The following COL11A1 variants were observed in gnomAD, a reference collection of about 807,000 sequenced individuals.
COL11A1 encodes the protein collagen alpha-1(XI) chain.
Under a neutral mutation model 265.2 loss-of-function variants are expected in COL11A1, and 74 were observed. The ratio of observed to expected loss-of-function variants is 0.28; its 90% CI spans 0.23 to 0.34. COL11A1 has a LOEUF of 0.34. Ranked by LOEUF, COL11A1 falls within the 10% of genes least tolerant of loss-of-function variation. COL11A1 has a pLI of 1.00. For missense variants in COL11A1, 2,165 were observed against 2,263.6 expected, an observed-to-expected ratio of 0.96 and a Z score of 0.88; for synonymous variants, 816 against 727.6, an observed-to-expected ratio of 1.12 and a Z score of -1.96.
intron 11 of COL11A1, among the ~76,000 whole-genome samples, chr1:103,016,545 G>A (rs1666583450): frequency 6.6e-6 from 1 of 151,854 alleles, no homozygotes; most frequent in Admixed American, 6.6e-5. Flanking sequence ...ACATAGCCAT[G>A]TCATACTTGT....
chr1:102,920,401 C>A, intron 48 of COL11A1, 37 bp from the exon 49 acceptor site: 2 of 1,573,188 alleles, frequency 1.3e-6, no homozygotes, highest in South Asian at 1.1e-5. Flanking sequence ...TATCCATATT[C>A]TTATTAAAAT....
intron 54 of COL11A1, among the ~76,000 whole-genome samples, chr1:102,899,924 G>A (rs2100932274): frequency 6.6e-6 from 1 of 152,202 alleles, no homozygotes; most frequent in South Asian, 2.1e-4. Flanking sequence ...ATCAATAGTG[G>A]TGGATGATGA....
chr1:102,915,867 AG>A (rs1655272611), intron 49 of COL11A1, among the ~76,000 whole-genome samples, 183 bp from the exon 50 acceptor site: 1 of 152,164 alleles, frequency 6.6e-6, no homozygotes, highest in Non-Finnish European at 1.5e-5. Flanking sequence ...TTTATTTCTC[AG>A]GTGAGTAGAC....
At chr1:102,930,580 T>G (rs1657284454) in intron 46 of COL11A1, among the ~76,000 whole-genome samples, 1 of 152,218 alleles carries the variant, frequency 6.6e-6, no homozygotes, top group Non-Finnish European at 1.5e-5. Context: ...CTGCCCGGCT[T>G]TAGTATCAGA....
chr1:103,045,141 A>G (rs1669143084), intron 4 of COL11A1, among the ~76,000 whole-genome samples: 1 of 152,138 alleles, frequency 6.6e-6, no homozygotes, highest in Admixed American at 6.6e-5. Context: ...AACAATCCAC[A>G]GGTAGCAACA....
chr1:102,945,190 T>A (rs3126210), intron 42 of COL11A1, among the ~76,000 whole-genome samples: 1 of 151,516 alleles, frequency 6.6e-6, no homozygotes, highest in Non-Finnish European at 1.5e-5. Context: ...TGAAATTAAT[T>A]AATGCCGTTA....
intron 54 of COL11A1, among the ~76,000 whole-genome samples, chr1:102,909,968 CTG>C (rs1443599742): frequency 6.6e-6 from 1 of 151,786 alleles, no homozygotes; most frequent in East Asian, 1.9e-4. Flanking sequence ...GTAAATATGA[CTG>C]AAAATATTTT....
chr1:102,935,042 A>G lies in COL11A1; in HGVS notation c.3492+18T>C, dbSNP rs780822049. On this transcript the variant is annotated intron_variant, in intron 45 of 66. Coordinates refer to ENST00000370096, the MANE Select transcript of COL11A1 (RefSeq NM_001854.4). ...AGCTGTAAGGATTTAGATTTGCTGA[A>G]CAATGTGGAATACTCACAGCAATTC... The G allele has an allele frequency of 2.5e-6, 4 of 1,613,284 alleles. No homozygotes were observed. The highest frequency in any genetic ancestry group is 3.3e-5 in the Admixed American group (2 of 60,018).
At chr1:103,013,643 GA>G (rs1386113223) in intron 13 of COL11A1, among the ~76,000 whole-genome samples, 1 of 151,766 alleles carries the variant, frequency 6.6e-6, no homozygotes, top group African/African-American at 2.4e-5. Flanking sequence ...TATTGAGGAT[GA>G]ATTACAATTT....
intron 30 of COL11A1, among the ~76,000 whole-genome samples, chr1:102,984,913 T>C (rs1347407329): frequency 6.6e-6 from 1 of 151,978 alleles, no homozygotes; most frequent in African/African-American, 2.4e-5. Flanking sequence ...TAAAACAAAA[T>C]TTAAGTTATA....
intron 1 of COL11A1, among the ~76,000 whole-genome samples, chr1:103,084,907 C>T (rs566139068): frequency 6.6e-6 from 1 of 152,154 alleles, no homozygotes. Context: ...CACCAAACTT[C>T]TAAATAAAGA....
chr1:102,878,397 T>C (rs1022773965), intron 66 of COL11A1, among the ~76,000 whole-genome samples: 2 of 144,852 alleles, frequency 1.4e-5, no homozygotes, highest in African/African-American at 2.5e-5. Flanking sequence ...TAGTGCTATA[T>C]ATTTTGTAAT....
chr1:103,105,532 C>T (rs1330741867), intron 1 of COL11A1, among the ~76,000 whole-genome samples: 1 of 151,972 alleles, frequency 6.6e-6, no homozygotes, highest in Non-Finnish European at 1.5e-5. Flanking sequence ...GTTTTGAACT[C>T]AGATGTTTTA....
chr1:102,895,928 C>T (rs1426398104), intron 57 of COL11A1, among the ~76,000 whole-genome samples: 1 of 151,452 alleles, frequency 6.6e-6, no homozygotes, highest in Non-Finnish European at 1.5e-5. Flanking sequence ...ATTGATGACA[C>T]ACATGCATGA....
intron 48 of COL11A1, 81 bp from the exon 49 acceptor site, chr1:102,920,445 A>T: frequency 1.7e-6 from 2 of 1,194,498 alleles, no homozygotes; most frequent in South Asian, 1.2e-5. Context: ...AGTTGTTCTC[A>T]AAAAAGAGAA....
chr1:102,997,047 A>C (rs1366503927), intron 26 of COL11A1, 33 bp downstream of exon 26: 1 of 1,585,996 alleles, frequency 6.3e-7, no homozygotes, highest in African/African-American at 1.3e-5. Flanking sequence ...AAATTTATTA[A>C]TAGGACATTT....
In COL11A1 at chr1:102,921,511, T is replaced by A; in HGVS notation, c.3708+7A>T. 6.2e-7 allele frequency: 1 copy of A among 1,609,698 alleles called. No individual in the cohort carries two copies. The highest frequency in any genetic ancestry group is 1.1e-5 in the South Asian group (1 of 90,834). ...AAAATAATTAACATATATTTCAGAG[T>A]TCTTACATCAGCTCCATTGGGACCT... On this transcript the variant is annotated splice_region_variant and intron_variant, in intron 48 of 66. Coordinates refer to ENST00000370096, the MANE Select transcript of COL11A1 (RefSeq NM_001854.4).
chr1:102,904,567 T>C (rs1203337150), intron 54 of COL11A1, among the ~76,000 whole-genome samples: 2 of 151,748 alleles, frequency 1.3e-5, no homozygotes, highest in African/African-American at 2.4e-5. Flanking sequence ...GGGTGAAGGA[T>C]ATGAACAGAC....
chr1:103,043,333 G>A (rs1475753753), intron 4 of COL11A1, among the ~76,000 whole-genome samples: 1 of 151,592 alleles, frequency 6.6e-6, no homozygotes, highest in East Asian at 1.9e-4. Context: ...TGTGTCACAT[G>A]TCAGGAAGGT....
Sources: gnomAD v4.1 joint callset for allele counts (sites outside exome capture counted in the v4.1 genomes callset) on GRCh38, gnomAD v4.1.1 for gene constraint, MANE v1.5 for transcripts, NCBI Gene and HGNC (gene_info 2026-07-23, HGNC 2026-07-21) for gene names.